Variants in DNAH11 observed in about 807,000 individuals in gnomAD.
DNAH11 encodes axonemal beta dynein heavy chain 11.
In DNAH11, 442 loss-of-function variants were observed where a neutral mutation model predicts 526.0. The observed-to-expected ratio is 0.84, with a 90% CI of 0.78 to 0.91. The LOEUF is 0.91. Ranked by LOEUF, DNAH11 falls within the 40% of genes least tolerant of loss-of-function variation. The pLI, the probability that DNAH11 is intolerant of heterozygous loss-of-function variation, is 0.00. For synonymous variants in DNAH11, 2,461 were observed against 1,935.9 expected (o/e 1.27, Z -7.12); for missense variants, 6,989 against 5,448.7 (o/e 1.28, Z -8.90).
intron 20 of DNAH11, among the ~76,000 whole-genome samples, chr7:21,614,854 TGAA>T (rs1050312441): frequency 6.6e-5 from 10 of 152,206 alleles, no homozygotes; most frequent in Non-Finnish European, 1.2e-4. Context: ...AGAAATCTGA[TGAA>T]GAAGAAATTT....
chr7:21,784,089 C>A (rs1788071464), intron 57 of DNAH11, among the ~76,000 whole-genome samples: 1 of 152,180 alleles, frequency 6.6e-6, no homozygotes, highest in Non-Finnish European at 1.5e-5. Flanking sequence ...TAATCCAGGA[C>A]TCTCTGAAAA....
intron 38 of DNAH11, 100 bp downstream of exon 38, chr7:21,704,728 C>G: frequency 7.7e-7 from 1 of 1,300,382 alleles, no homozygotes; most frequent in Non-Finnish European, 1.0e-6. Flanking sequence ...TGTACCCTAA[C>G]CTTAATAGGA....
chr7:21,732,754 T>C (rs1409804500), intron 45 of DNAH11, among the ~76,000 whole-genome samples: 8 of 152,246 alleles, frequency 5.3e-5, no homozygotes, highest in Admixed American at 1.3e-4. Context: ...CTTCTTAACA[T>C]TGACTTCAAT....
intron 63 of DNAH11, among the ~76,000 whole-genome samples, chr7:21,811,378 C>T (rs757884667): frequency 1.2e-4 from 18 of 151,922 alleles, no homozygotes; most frequent in Non-Finnish European, 2.5e-4. Flanking sequence ...ATCGCTTAAA[C>T]CCAGGAGGCG....
At chr7:21,749,520 A>T (rs1039212068) in intron 52 of DNAH11, among the ~76,000 whole-genome samples, 158 bp from the exon 53 acceptor site, 1 of 152,216 alleles carries the variant, frequency 6.6e-6, no homozygotes, top group Non-Finnish European at 1.5e-5. Context: ...GCTGTCCCCT[A>T]GAATGGGGTC....
intron 57 of DNAH11, among the ~76,000 whole-genome samples, chr7:21,780,406 G>T (rs892551812): frequency 6.6e-6 from 1 of 152,102 alleles, no homozygotes; most frequent in African/African-American, 2.4e-5. Flanking sequence ...AAAAGACAAA[G>T]CGTGTTATTC....
intron 25 of DNAH11, among the ~76,000 whole-genome samples, chr7:21,627,521 T>A (rs1367396917): frequency 6.6e-6 from 1 of 152,216 alleles, no homozygotes; most frequent in Non-Finnish European, 1.5e-5. Flanking sequence ...CCAGTACCAT[T>A]TATTGAAAAG....
At chr7:21,692,055 C>G (rs1783654369) in intron 35 of DNAH11, among the ~76,000 whole-genome samples, 2 of 152,174 alleles carry the variant, frequency 1.3e-5, no homozygotes, top group Non-Finnish European at 2.9e-5. Context: ...CGTTACGATT[C>G]ACTTATAATT....
At chr7:21,610,233 G>A (rs914401607) in intron 20 of DNAH11, among the ~76,000 whole-genome samples, 1 of 152,130 alleles carries the variant, frequency 6.6e-6, no homozygotes, top group Non-Finnish European at 1.5e-5. Flanking sequence ...CAGCCTGGGC[G>A]ACAGTGCGAG....
chr7:21,638,489 A>G (rs17747163), intron 27 of DNAH11, among the ~76,000 whole-genome samples: 10,275 of 152,176 alleles, frequency 0.068, 379 homozygotes, highest in South Asian at 0.1. Context: ...TGAATACCTG[A>G]CAGGAGGGAA....
intron 69 of DNAH11, among the ~76,000 whole-genome samples, chr7:21,864,174 G>C (rs574119789): frequency 6.6e-6 from 1 of 152,236 alleles, no homozygotes; most frequent in African/African-American, 2.4e-5. Flanking sequence ...CTTCTGTTTA[G>C]TAATTTAATC....
At chr7:21,832,295 T>A (rs1021359287) in intron 65 of DNAH11, among the ~76,000 whole-genome samples, 2 of 152,232 alleles carry the variant, frequency 1.3e-5, no homozygotes, top group Non-Finnish European at 2.9e-5. Flanking sequence ...CAATTTGGCA[T>A]GTTTTTGCAG....
At chr7:21,573,794 T>A (rs1214590060) in intron 8 of DNAH11, among the ~76,000 whole-genome samples, 1 of 152,160 alleles carries the variant, frequency 6.6e-6, no homozygotes, top group Non-Finnish European at 1.5e-5. Context: ...CCCCTCTGAC[T>A]ACAAACTAGT....
chr7:21,547,900 G>A (rs1394664877), intron 2 of DNAH11, among the ~76,000 whole-genome samples: 1 of 152,042 alleles, frequency 6.6e-6, no homozygotes, highest in African/African-American at 2.4e-5. Flanking sequence ...ACTTTAATTT[G>A]GTCTCTAATA....
At chr7:21,798,963 A>G (rs937142321) in intron 61 of DNAH11, among the ~76,000 whole-genome samples, 6 of 152,162 alleles carry the variant, frequency 3.9e-5, no homozygotes, top group Admixed American at 3.9e-4. Flanking sequence ...CTAATACCAC[A>G]AATATTACTT....
Position 21,744,535 on chromosome 7 carries a change from T to C in DNAH11, c.8252T>C (p.Ile2751Thr), listed in dbSNP as rs774996068. 8 of 1,613,256 alleles carry C rather than the reference T, an allele frequency of 5.0e-6. No homozygotes were observed. The Admixed American group carries it at 5.0e-5, about 10-fold the overall frequency. Residue 2751 changes from isoleucine (I) to threonine (T), a missense_variant, in exon 50 of 82, where the codon ATA becomes ACA. Ile to Thr is a moderately conservative substitution (Grantham distance 89, BLOSUM62 -1). Coordinates refer to ENST00000409508, the MANE Select transcript of DNAH11 (RefSeq NM_001277115.2). The part of the protein sequence containing the change: ...ESARVYGDKL[I>T]DKKDCDLFQR... ...GCCCGTGTTTATGGAGACAAACTGA[T>C]AGACAAAAAAGATTGTGATTTGTTT...
At chr7:21,825,730 C>A (rs932514636) in intron 65 of DNAH11, among the ~76,000 whole-genome samples, 1 of 151,790 alleles carries the variant, frequency 6.6e-6, no homozygotes, top group Admixed American at 6.6e-5. Context: ...GAGGCCAAGG[C>A]AGGTGGATCA....
chr7:21,705,489 G>A lies in DNAH11; in HGVS notation c.6498G>A (p.Val2166=). 1 of 1,613,750 alleles carries A rather than the reference G, an allele frequency of 6.2e-7. No individual in the cohort carries two copies. The highest frequency in any genetic ancestry group is 8.5e-7 in the Non-Finnish European group (1 of 1,179,730). The change falls in exon 39 of 82, where the codon GTG becomes GTA. Residue 2166 remains valine, a synonymous_variant. Coordinates refer to ENST00000409508, the MANE Select transcript of DNAH11 (RefSeq NM_001277115.2). ...KVVQLEELLA[V]RHSVFVVGNA... ...TCCAGCTTGAGGAACTGTTGGCTGT[G>A]CGGCACTCGGTCTTTGTAGTTGGAA...
intron 9 of DNAH11, among the ~76,000 whole-genome samples, chr7:21,583,576 G>A (rs1784385942): frequency 6.6e-6 from 1 of 152,140 alleles, no homozygotes; most frequent in African/African-American, 2.4e-5. Context: ...AGCCAAAATT[G>A]ACAAATGGGA....
Sources: allele counts gnomAD v4.1 joint callset (sites outside exome capture counted in the v4.1 genomes callset), GRCh38; gene constraint gnomAD v4.1.1; transcripts MANE v1.5; gene names NCBI Gene and HGNC (gene_info 2026-07-23, HGNC 2026-07-21).